Variants in MYO6 observed in about 807,000 individuals in gnomAD.
The protein encoded by MYO6 is unconventional myosin-VI.
A neutral mutation model predicts 178.7 loss-of-function variants in MYO6; 74 were observed. The observed-to-expected ratio is 0.41, with a 90% CI of 0.34 to 0.50. The LOEUF is 0.50. Ranked by LOEUF, MYO6 falls within the 20% of genes least tolerant of loss-of-function variation. The pLI is 0.09. For synonymous variants in MYO6, 477 were observed against 504.6 expected, an observed-to-expected ratio of 0.95 and a Z score of 0.73; for missense variants, 1,330 against 1,547.4, an observed-to-expected ratio of 0.86 and a Z score of 2.36.
chr6:75,781,104 T>C (rs901764405), intron 1 of MYO6, among the ~76,000 whole-genome samples: 11 of 152,028 alleles, frequency 7.2e-5, no homozygotes, highest in African/African-American at 2.7e-4. Context: ...TAAGCCACCG[T>C]GCCCAGCCGA....
chr6:75,890,151 A>G lies in MYO6; in HGVS notation c.2753A>G (p.Gln918Arg), dbSNP rs748150561. Residue 918 changes from glutamine to arginine, a missense_variant, in exon 26 of 35, where the codon CAG (glutamine) becomes CGG (arginine). By Grantham distance (43) the Gln-to-Arg change is conservative. Transcript: ENST00000369977. ...ELLSALQKKKQQEEEAERLRR... is the reference protein window; with the variant it reads ...ELLSALQKKKRQEEEAERLRR... ...CTCAGTGCATTACAGAAAAAAAAAC[A>G]GCAGGAAGAGGAAGCAGAAAGGCTG... 5.0e-6 allele frequency: 8 copies of G among 1,612,114 alleles called. No homozygotes were observed. The highest frequency in any genetic ancestry group is 6.8e-6 in the Non-Finnish European group (8 of 1,178,182).
At chr6:75,782,962 T>C (rs537079876) in intron 1 of MYO6, among the ~76,000 whole-genome samples, 2 of 149,950 alleles carry the variant, frequency 1.3e-5, no homozygotes, top group South Asian at 4.3e-4. Context: ...TCACCCAGGC[T>C]GGAGTGCAGT....
intron 1 of MYO6, among the ~76,000 whole-genome samples, chr6:75,785,473 CTT>C (rs11325534): frequency 4.7e-4 from 60 of 126,494 alleles, no homozygotes; most frequent in Admixed American, 1.9e-3. Flanking sequence ...CTTTTCTTTT[CTT>C]TTTTTTTTTT....
In MYO6 at chr6:75,915,709, T is replaced by C. The variant is rs868240489; in HGVS notation, c.*697T>C. ...TGTGTTGCTGTCAGAATATTCTTTT[T>C]ATATTCTGTGGAAAAATAAAGGAAA... On this transcript the variant is annotated 3_prime_UTR_variant, in exon 35 of 35. Coordinates refer to ENST00000369977, the MANE Select transcript of MYO6 (RefSeq NM_004999.4). The C allele has an allele frequency of 6.5e-6, 1 of 152,804 alleles. No individual in the cohort carries two copies. The highest frequency in any genetic ancestry group is 1.5e-5 in the Non-Finnish European group (1 of 68,042). The allele number at this position is 152,804 out of a possible 1,614,324, so 9.5% of individuals were successfully genotyped here. A position where few individuals can be genotyped will look rare whatever the true frequency, so the allele number is the denominator to read the frequency against.
chr6:75,901,950 G>A lies in MYO6; in HGVS notation c.3176+3539G>A, dbSNP rs1779813015. Among the ~76,000 whole-genome samples, 4 of 152,254 alleles carry A rather than the reference G, an allele frequency of 2.6e-5. No individual in the cohort carries two copies. In the South Asian group the frequency reaches 8.3e-4, roughly 32 times the overall value. ...TTAGCATGAAGGGTTGTTGAATTTT[G>A]TCAAAAGCCTTTTCTGCATCTATTG... On this transcript the variant is annotated intron_variant, in intron 30 of 34. Coordinates refer to ENST00000369977, the MANE Select transcript of MYO6 (RefSeq NM_004999.4).
chr6:75,783,656 A>T (rs1293162371), intron 1 of MYO6, among the ~76,000 whole-genome samples: 1 of 152,068 alleles, frequency 6.6e-6, no homozygotes, highest in Non-Finnish European at 1.5e-5. Flanking sequence ...TAAAAGGTCA[A>T]TAACATTGAT....
intron 24 of MYO6, 148 bp from the exon 25 acceptor site, chr6:75,886,696 T>G: frequency 1.3e-6 from 1 of 758,500 alleles, no homozygotes; most frequent in Non-Finnish European, 2.2e-6. Context: ...TTGATTTTTT[T>G]TAGCCTTCAA....
chr6:75,851,921 G>C (rs571643238), intron 11 of MYO6, among the ~76,000 whole-genome samples: 18 of 152,204 alleles, frequency 1.2e-4, no homozygotes, highest in Middle Eastern at 3.4e-3. Flanking sequence ...CTGTCATAAA[G>C]AAGTTTTTGC....
chr6:75,775,197 G>A (rs1371419918), intron 1 of MYO6, among the ~76,000 whole-genome samples: 2 of 152,160 alleles, frequency 1.3e-5, no homozygotes, highest in African/African-American at 4.8e-5. Flanking sequence ...AGTACAGTGA[G>A]TTCTCTCCAT....
At chr6:75,874,513 T>C (rs1777410641) in intron 20 of MYO6, among the ~76,000 whole-genome samples, 1 of 152,242 alleles carries the variant, frequency 6.6e-6, no homozygotes, top group Non-Finnish European at 1.5e-5. Flanking sequence ...GCTTCTCTTG[T>C]CTGCTATCAA....
At chr6:75,820,636 A>G (rs1046305027) in intron 2 of MYO6, among the ~76,000 whole-genome samples, 13 of 152,180 alleles carry the variant, frequency 8.5e-5, no homozygotes, top group Admixed American at 4.6e-4. Flanking sequence ...CTCCCAAAGT[A>G]CAGGGACTAC....
intron 1 of MYO6, among the ~76,000 whole-genome samples, chr6:75,772,718 A>G (rs989109619): frequency 6.6e-6 from 1 of 152,144 alleles, no homozygotes; most frequent in African/African-American, 2.4e-5. Flanking sequence ...GTGTTGAGGA[A>G]TTTTATACCT....
chr6:75,863,816 C>T (rs1006695307), intron 16 of MYO6, among the ~76,000 whole-genome samples: 10 of 151,724 alleles, frequency 6.6e-5, no homozygotes, highest in African/African-American at 2.2e-4. Flanking sequence ...GCTGTTAGGT[C>T]GCAGAGCTGT....
Position 75,892,583 on chromosome 6 carries a change from A to T in MYO6, c.3000A>T (p.Gln1000His), listed in dbSNP as rs770506081. Reference protein sequence around the residue: ...ARQKEEESQQQAVLEQERRDR... With the variant: ...ARQKEEESQQHAVLEQERRDR... ...AGAAGGAGGAGGAATCCCAACAGCA[A>T]GCAGTTCTGGAGCAGGAGCGCAGGG... The change falls in exon 28 of 35, where the codon CAA becomes CAT. Residue 1000 changes from glutamine to histidine, a missense_variant. Transcript: ENST00000369977. 2 of 1,613,888 alleles carry T rather than the reference A, an allele frequency of 1.2e-6. No individual in the cohort carries two copies. The highest frequency in any genetic ancestry group is 1.7e-6 in the Non-Finnish European group (2 of 1,180,022).
chr6:75,800,853 C>T (rs565186166), intron 1 of MYO6, among the ~76,000 whole-genome samples: 16 of 152,192 alleles, frequency 1.1e-4, no homozygotes, highest in Admixed American at 6.5e-4. Flanking sequence ...CCTGAATAGC[C>T]GGAATTACAG....
At position 75,870,630 on chromosome 6, in the gene MYO6, T is replaced by C. The variant is rs1486648546; in HGVS notation, c.1945-17T>C. On this transcript the variant is annotated splice_polypyrimidine_tract_variant and intron_variant, in intron 18 of 34. Coordinates refer to ENST00000369977, the MANE Select transcript of MYO6 (RefSeq NM_004999.4). ...TTGGCTTTTTGAAATAATAAACTGA[T>C]TTCCTTTCTTTCACAGACACAGTTA... The C allele has an allele frequency of 6.2e-7, 1 of 1,607,904 alleles. No individual in the cohort carries two copies. The highest frequency in any genetic ancestry group is 1.3e-5 in the African/African-American group (1 of 74,810).
chr6:75,804,753 C>T (rs978295325), intron 1 of MYO6, among the ~76,000 whole-genome samples: 1 of 151,740 alleles, frequency 6.6e-6, no homozygotes, highest in Admixed American at 6.6e-5. Flanking sequence ...ATTCTGTTTG[C>T]CATATGCTTT....
At chr6:75,798,223 C>G (rs1430504810) in intron 1 of MYO6, among the ~76,000 whole-genome samples, 1 of 152,142 alleles carries the variant, frequency 6.6e-6, no homozygotes, top group East Asian at 1.9e-4. Flanking sequence ...ATCCCAGCAC[C>G]ATTTATTGAA....
intron 7 of MYO6, among the ~76,000 whole-genome samples, chr6:75,836,973 G>A (rs2150236031): frequency 6.6e-6 from 1 of 152,166 alleles, no homozygotes; most frequent in East Asian, 1.9e-4. Flanking sequence ...ACAGTGCTCT[G>A]TGTGGTCTGG....
Sources: allele counts gnomAD v4.1 joint callset (sites outside exome capture counted in the v4.1 genomes callset), GRCh38; gene constraint gnomAD v4.1.1; transcripts MANE v1.5; gene names NCBI Gene and HGNC (gene_info 2026-07-23, HGNC 2026-07-21).